Variants in CENPP observed in about 807,000 individuals in gnomAD.
The protein encoded by CENPP is centromere protein P.
In CENPP, 24 loss-of-function variants were observed where a neutral mutation model predicts 35.6. The ratio of observed to expected loss-of-function variants is 0.67; its 90% CI spans 0.49 to 0.95. The LOEUF is 0.95. Ranked by LOEUF, CENPP falls within the 40% of genes least tolerant of loss-of-function variation. CENPP has a pLI of 0.00. For synonymous variants in CENPP, 120 were observed against 125.5 expected, an observed-to-expected ratio of 0.96 and a Z score of 0.29; for missense variants, 332 against 345.3, an observed-to-expected ratio of 0.96 and a Z score of 0.31.
At chr9:92,465,425 T>C (rs1349764600) in intron 5 of CENPP, among the ~76,000 whole-genome samples, 5 of 152,226 alleles carry the variant, frequency 3.3e-5, no homozygotes, top group Non-Finnish European at 5.9e-5. Context: ...TTTTTTTAAA[T>C]TGTAAGTCAA....
chr9:92,542,107 T>G (rs1270181353), intron 5 of CENPP, among the ~76,000 whole-genome samples: 1 of 152,038 alleles, frequency 6.6e-6, no homozygotes, highest in African/African-American at 2.4e-5. Context: ...TTTTATTTCC[T>G]TTGAGATTAG....
chr9:92,406,089 A>G (rs1843297148), intron 5 of CENPP, among the ~76,000 whole-genome samples: 2 of 152,300 alleles, frequency 1.3e-5, no homozygotes, highest in East Asian at 1.9e-4. Flanking sequence ...CTGCACCCAA[A>G]CTGACTTCTA....
chr9:92,509,109 G>T (rs933595829), intron 5 of CENPP, among the ~76,000 whole-genome samples: 1 of 151,416 alleles, frequency 6.6e-6, no homozygotes, highest in Non-Finnish European at 1.5e-5. Flanking sequence ...GCAGAAGAGG[G>T]GCCATTTCCA....
At chr9:92,334,513 A>G (rs1349391399) in intron 2 of CENPP, among the ~76,000 whole-genome samples, 1 of 152,036 alleles carries the variant, frequency 6.6e-6, no homozygotes, top group Non-Finnish European at 1.5e-5. Flanking sequence ...TGATGTATGG[A>G]TGGTTTTGAA....
At chr9:92,390,974 G>T (rs1842653447) in intron 5 of CENPP, among the ~76,000 whole-genome samples, 1 of 152,130 alleles carries the variant, frequency 6.6e-6, no homozygotes, top group African/African-American at 2.4e-5. Flanking sequence ...ATGTTAAACA[G>T]CAAAATCAGG....
Position 92,619,681 on chromosome 9 carries a change from T to G in CENPP, c.*6532T>G, listed in dbSNP as rs1851562961. On this transcript the variant is annotated 3_prime_UTR_variant, in exon 8 of 8. Coordinates refer to ENST00000375587, the MANE Select transcript of CENPP (RefSeq NM_001012267.3). Reference sequence around the variant, plus strand: ...TGCTTCCTGCCTCAGAACCTGAGGGTGGGATTAGGAGCGAGGGCCACGGTG... The same window carrying G: ...TGCTTCCTGCCTCAGAACCTGAGGGGGGGATTAGGAGCGAGGGCCACGGTG... The G allele has an allele frequency of 1.0e-6, 1 of 968,400 alleles. No homozygotes were observed. 60.0% of individuals were successfully genotyped at this position (968,400 alleles called of 1,614,324 possible).
At chr9:92,386,443 A>G (rs1022995607) in intron 5 of CENPP, 2 of 582,612 alleles carry the variant, frequency 3.4e-6, no homozygotes, top group Non-Finnish European at 6.1e-6. Context: ...AATTGTTCGT[A>G]TGGTAGTTTC....
chr9:92,500,061 G>A (rs532393948), intron 5 of CENPP, among the ~76,000 whole-genome samples: 72 of 152,214 alleles, frequency 4.7e-4, no homozygotes, highest in Non-Finnish European at 2.5e-4. Flanking sequence ...ATATATTTAC[G>A]TTTTATGCTT....
chr9:92,431,583 C>CTT (rs934150311), intron 5 of CENPP, among the ~76,000 whole-genome samples: 13 of 151,768 alleles, frequency 8.6e-5, no homozygotes, highest in Non-Finnish European at 2.9e-5. Flanking sequence ...CTTTTCTTTT[C>CTT]TTTTTTTCCA....
intron 5 of CENPP, among the ~76,000 whole-genome samples, chr9:92,387,594 T>C (rs948829155): frequency 2.0e-5 from 3 of 152,096 alleles, no homozygotes; most frequent in African/African-American, 7.2e-5. Context: ...TTCTTTTCTG[T>C]GTTGCTATTT....
intron 5 of CENPP, among the ~76,000 whole-genome samples, chr9:92,506,511 G>T (rs1207025697): frequency 6.6e-6 from 1 of 152,206 alleles, no homozygotes; most frequent in Admixed American, 6.5e-5. Context: ...GAGGCTCAGG[G>T]TGTGGCCAAA....
intron 5 of CENPP, among the ~76,000 whole-genome samples, chr9:92,576,053 A>G (rs924915961): frequency 6.6e-6 from 1 of 152,166 alleles, no homozygotes; most frequent in African/African-American, 2.4e-5. Context: ...TTCTACCCCT[A>G]TGTTCACAGC....
chr9:92,386,106 A>T, intron 5 of CENPP: 1 of 976,236 alleles, frequency 1.0e-6, no homozygotes, highest in South Asian at 1.4e-5. Flanking sequence ...TGATCTAACC[A>T]AAATTTGTAT....
At chr9:92,546,105 A>G (rs893450113) in intron 5 of CENPP, among the ~76,000 whole-genome samples, 5 of 152,116 alleles carry the variant, frequency 3.3e-5, no homozygotes, top group Admixed American at 6.6e-5. Context: ...GAATGCACCA[A>G]TCAGTGCTCT....
rs568051862 is a variant in CENPP, at chr9:92,360,169, T to C, written c.467+14382T>C. On this transcript the variant is annotated intron_variant, in intron 4 of 7. Transcript: ENST00000375587. Reference sequence around the variant, plus strand: ...TTCATTCACGTTTTGGCTATATTTGTATTATTTTTTATTGGCTGCTGTGGG... The same window carrying C: ...TTCATTCACGTTTTGGCTATATTTGCATTATTTTTTATTGGCTGCTGTGGG... 3.5e-4 allele frequency among the ~76,000 whole-genome samples: 54 copies of C among 152,326 alleles called. No individual in the cohort carries two copies. The South Asian group carries it at 8.9e-3, about 25-fold the overall frequency.
intron 5 of CENPP, among the ~76,000 whole-genome samples, chr9:92,577,000 T>C (rs1850298857): frequency 2.0e-5 from 3 of 152,172 alleles, no homozygotes; most frequent in African/African-American, 7.2e-5. Flanking sequence ...TGAGATTCCA[T>C]AGCATACCTA....
intron 5 of CENPP, among the ~76,000 whole-genome samples, chr9:92,608,258 C>A (rs976224573): frequency 6.6e-6 from 1 of 152,216 alleles, no homozygotes; most frequent in African/African-American, 2.4e-5. Flanking sequence ...CAGGTGCCGT[C>A]CTTCTCTTGG....
At chr9:92,327,942 T>C (rs1278444587) in intron 1 of CENPP, among the ~76,000 whole-genome samples, 1 of 152,174 alleles carries the variant, frequency 6.6e-6, no homozygotes, top group Non-Finnish European at 1.5e-5. Flanking sequence ...CTGCAACTCT[T>C]ACGATCTCTA....
chr9:92,500,886 T>C, intron 5 of CENPP: 1 of 1,614,196 alleles, frequency 6.2e-7, no homozygotes, highest in Non-Finnish European at 8.5e-7. Flanking sequence ...AGCAAGTTTG[T>C]TAAATGACAG....
Sources: gnomAD v4.1 joint callset for allele counts (sites outside exome capture counted in the v4.1 genomes callset) on GRCh38, gnomAD v4.1.1 for gene constraint, MANE v1.5 for transcripts, NCBI Gene and HGNC (gene_info 2026-07-23, HGNC 2026-07-21) for gene names.